The following ABCG1 variants were observed in gnomAD, a reference collection of about 807,000 sequenced individuals.
The protein encoded by ABCG1 is ATP binding cassette subfamily G member 1.
Under a neutral mutation model 69.2 loss-of-function variants are expected in ABCG1, and 29 were observed. That is an observed-to-expected ratio of 0.42 (90% CI 0.31 to 0.57). The LOEUF (loss-of-function observed/expected upper bound fraction) is 0.57, where lower values mean the gene tolerates loss of function less well. ABCG1 is among the 20% of genes least tolerant of loss of function. ABCG1 has a pLI of 0.15. For missense variants in ABCG1, 718 were observed against 898.1 expected, an observed-to-expected ratio of 0.80 and a Z score of 2.56; for synonymous variants, 370 against 374.8, an observed-to-expected ratio of 0.99 and a Z score of 0.15.
chr21:42,280,509 C>T (rs887746037), intron 5 of ABCG1, among the ~76,000 whole-genome samples: 1 of 152,212 alleles, frequency 6.6e-6, no homozygotes, highest in Non-Finnish European at 1.5e-5. Flanking sequence ...AGTGGCCTTG[C>T]AGGTTTTTTG....
chr21:42,278,941 G>A (rs1046484722), intron 5 of ABCG1, among the ~76,000 whole-genome samples: 5 of 151,928 alleles, frequency 3.3e-5, no homozygotes, highest in Admixed American at 6.6e-5. Flanking sequence ...AGGAGAGGCC[G>A]GCAAGAGTGT....
Position 42,296,383 on chromosome 21 carries a change from A to G in ABCG1, c.1992A>G (p.Ala664=). 2 of 1,613,502 alleles carry G rather than the reference A, an allele frequency of 1.2e-6. No individual in the cohort carries two copies. Among genetic ancestry groups the G allele is most frequent in the Non-Finnish European group, 1.7e-6 (2 of 1,179,920 alleles). The change falls in exon 15 of 15, where the codon GCA becomes GCG. Residue 664 remains alanine, a synonymous_variant. Transcript: ENST00000398449. This position sits in a 1 kb window ranked among gnomAD's most constrained non-coding sequence, Gnocchi z 5.4. ...AYFVLRYKIR[A]ER is the part of the protein sequence containing the mutation. ...TTGTCCTCAGGTACAAAATCCGGGC[A>G]GAGAGGTAAAACACCTGAATGCCAG...
chr21:42,206,765 A>G lies in ABCG1; in HGVS notation c.48+5042A>G, dbSNP rs4327312. Among the ~76,000 whole-genome samples the G allele has an allele frequency of 3.8e-3, 571 of 151,414 alleles. 4 individuals carry two copies. Among genetic ancestry groups the G allele is most frequent in the African/African-American group, 0.013 (530 of 41,244 alleles). ...CAAAGTTTCATTCTTTTACCATTTT[A>G]TTTATGTTTAAATAACTTCATTTCA... On this transcript the variant is annotated intron_variant, in intron 2 of 15. Coordinates refer to the ABCG1 transcript ENST00000398457.
At chr21:42,277,228 AG>A in intron 5 of ABCG1, among the ~76,000 whole-genome samples, 1 of 152,324 alleles carries the variant, frequency 6.6e-6, no homozygotes, top group East Asian at 1.9e-4. Context: ...TGGGGCCAGA[AG>A]ATGCCAGCTT....
chr21:42,200,563 G>C (rs142653799), intron 1 of ABCG1, among the ~76,000 whole-genome samples: 1 of 151,376 alleles, frequency 6.6e-6, no homozygotes, highest in Admixed American at 6.6e-5. Flanking sequence ...GGATGCTTTC[G>C]GGATGATTCA....
intron 2 of ABCG1, among the ~76,000 whole-genome samples, chr21:42,256,815 C>T (rs1262221610): frequency 6.6e-6 from 1 of 152,250 alleles, no homozygotes; most frequent in Non-Finnish European, 1.5e-5. Context: ...GGTGGGAGCT[C>T]ATGCCCTCCC....
intron 2 of ABCG1, among the ~76,000 whole-genome samples, chr21:42,269,837 T>A (rs1005027225): frequency 6.6e-6 from 1 of 152,018 alleles, no homozygotes; most frequent in Non-Finnish European, 1.5e-5. Context: ...CGGGAGAAAG[T>A]CTAAAACACG....
chr21:42,241,104 A>G (rs2068044798), intron 2 of ABCG1, among the ~76,000 whole-genome samples: 1 of 152,242 alleles, frequency 6.6e-6, no homozygotes, highest in Non-Finnish European at 1.5e-5. Flanking sequence ...TGGGACTCTT[A>G]TCCTTCTGAC....
At chr21:42,260,903 C>G (rs2068397710) in intron 2 of ABCG1, among the ~76,000 whole-genome samples, 1 of 152,076 alleles carries the variant, frequency 6.6e-6, no homozygotes, top group Admixed American at 6.5e-5. Flanking sequence ...ACTGCAACCT[C>G]CTCCGCCTCC....
chr21:42,256,236 T>C, intron 2 of ABCG1: 2 of 1,460,206 alleles, frequency 1.4e-6, no homozygotes, highest in African/African-American at 1.4e-5. Flanking sequence ...AGAAAGATGC[T>C]AGCAGTGCAA....
upstream of ABCG1, among the ~76,000 whole-genome samples, chr21:42,216,869 C>G (rs1015693188): frequency 6.6e-6 from 1 of 152,190 alleles, no homozygotes; most frequent in East Asian, 1.9e-4. Context: ...GATGCTTACT[C>G]GGTGCTGGGC....
chr21:42,284,490 C>A, intron 6 of ABCG1, 70 bp from the exon 7 acceptor site: 2 of 1,572,852 alleles, frequency 1.3e-6, no homozygotes, highest in Non-Finnish European at 1.7e-6. Flanking sequence ...ACTCCCTGGA[C>A]CCCCGGAACC....
chr21:42,282,802 G>A (rs942394155), intron 6 of ABCG1, among the ~76,000 whole-genome samples: 1 of 152,234 alleles, frequency 6.6e-6, no homozygotes, highest in Non-Finnish European at 1.5e-5. Context: ...GTTTAGCACA[G>A]CAGAGGCTCA....
At chr21:42,239,877 C>A (rs2068026777) in intron 2 of ABCG1, among the ~76,000 whole-genome samples, 2 of 152,258 alleles carry the variant, frequency 1.3e-5, no homozygotes, top group African/African-American at 4.8e-5. Flanking sequence ...GTGGCCTCTG[C>A]AGAATCAGCT....
At position 42,294,654 on chromosome 21, in the gene ABCG1, A is replaced by G. The variant is rs746893208; in HGVS notation, c.1766A>G (p.Tyr589Cys). Residue 589 changes from tyrosine to cysteine, a missense_variant, in exon 14 of 15, where the codon TAT becomes TGT. Physicochemically the swap from Tyr to Cys is radical, Grantham distance 194 (BLOSUM62 -2). Around this residue, in one of 2 missense-constraint regions of ABCG1, gnomAD observed 204 missense variants for 323.8 expected, o/e 0.63. Coordinates refer to ENST00000398449, the MANE Select transcript of ABCG1 (RefSeq NM_016818.3). ...TYLQWMSYIS[Y>C]VRYGFEGVIL... ...CTACAGTGGATGTCCTACATCTCCT[A>G]TGTCAGGTAGCGGGCGTGGGGCACG... is the stretch of plus-strand genomic sequence containing the variant. 1.9e-6 allele frequency: 3 copies of G among 1,613,242 alleles called. No individual in the cohort carries two copies. The highest frequency in any genetic ancestry group is 8.5e-7 in the Non-Finnish European group (1 of 1,179,362).
rs114485602 is a variant in ABCG1 at position 42,272,570 on chromosome 21, G to C, written c.405-733G>C. Among the ~76,000 whole-genome samples, 438 of 152,366 alleles carry C rather than the reference G, an allele frequency of 2.9e-3. 1 individual carries two copies. Among genetic ancestry groups the C allele is most frequent in the African/African-American group, 0.01 (426 of 41,592 alleles). On this transcript the variant is annotated intron_variant, in intron 3 of 14. Coordinates refer to ENST00000398449, the MANE Select transcript of ABCG1 (RefSeq NM_016818.3). The stretch of plus-strand genomic sequence containing the variant: ...CTAGGAGGTAGGGCTAGAGAGACTG[G>C]ATCCTTAGAAGCACAGTGTGTAGAC...
At position 42,287,508 on chromosome 21, in the gene ABCG1, T is replaced by A. The variant is rs967931364; in HGVS notation, c.974-381T>A. ...CACACCCTGCCAAACCACAAGCTCC[T>A]CAAGGAGGAGTCCCTCAGGGAGGAG... On this transcript the variant is annotated intron_variant, in intron 8 of 14. Transcript: ENST00000398449. The surrounding 1 kb of genome is among the most constrained non-coding windows in gnomAD (Gnocchi z 6.2). Among the ~76,000 whole-genome samples, 3 of 152,144 alleles carry A rather than the reference T, an allele frequency of 2.0e-5. No homozygotes were observed. Among genetic ancestry groups the A allele is most frequent in the African/African-American group, 4.8e-5 (2 of 41,424 alleles).
At chr21:42,280,519 G>A (rs144000768) in intron 5 of ABCG1, among the ~76,000 whole-genome samples, 183 of 152,292 alleles carry the variant, frequency 1.2e-3, no homozygotes, top group Non-Finnish European at 2.0e-3. Flanking sequence ...CAGGTTTTTT[G>A]TTTGTTTGTT....
intron 2 of ABCG1, chr21:42,259,540 A>C (rs553231638): frequency 2.0e-6 from 3 of 1,528,870 alleles, no homozygotes; most frequent in East Asian, 2.5e-5. Flanking sequence ...TGGAGTCATC[A>C]TGTGGGCCCT....
Sources: gnomAD v4.1 joint callset for allele counts (sites outside exome capture counted in the v4.1 genomes callset) on GRCh38, gnomAD v4.1.1 for gene constraint, gnomAD v4.1.1 regional missense constraint, Gnocchi (gnomAD v3.1) non-coding constraint, MANE v1.5 for transcripts, NCBI Gene and HGNC (gene_info 2026-07-23, HGNC 2026-07-21) for gene names.